UBE2B: variants seen among roughly 807,000 people sequenced by gnomAD.
UBE2B encodes the protein ubiquitin conjugating enzyme E2 B, also known as ubiquitin-conjugating enzyme E2 B.
In UBE2B, 11 loss-of-function variants were observed where a neutral mutation model predicts 24.6. That is an observed-to-expected ratio of 0.45 (90% CI 0.28 to 0.74). The LOEUF (loss-of-function observed/expected upper bound fraction) is 0.74, where lower values mean the gene tolerates loss of function less well. Ranked by LOEUF, UBE2B falls within the 30% of genes least tolerant of loss-of-function variation. The pLI is 0.13. For missense variants in UBE2B, 78 were observed against 185.6 expected, an observed-to-expected ratio of 0.42 and a Z score of 3.37; for synonymous variants, 68 against 62.4, an observed-to-expected ratio of 1.09 and a Z score of -0.42.
intron 3 of UBE2B, among the ~76,000 whole-genome samples, chr5:134,377,268 TGTA>T (rs1475803419): frequency 2.0e-5 from 3 of 152,218 alleles, no homozygotes; most frequent in African/African-American, 7.2e-5. Context: ...TTTTCCCAAT[TGTA>T]GTGTTGGATT....
intron 4 of UBE2B, among the ~76,000 whole-genome samples, chr5:134,386,994 C>G (rs1241118873): frequency 3.4e-5 from 5 of 146,884 alleles, no homozygotes; most frequent in South Asian, 2.1e-4. Context: ...GAGTCTCGCT[C>G]TGTCGCCCAG....
chr5:134,373,447 T>C (rs1561678271), intron 1 of UBE2B, among the ~76,000 whole-genome samples: 1 of 152,184 alleles, frequency 6.6e-6, no homozygotes, highest in East Asian at 1.9e-4. Flanking sequence ...TTTTTTGGTA[T>C]AAGAGGACAG....
At chr5:134,382,179 G>A (rs1043797042) in intron 4 of UBE2B, among the ~76,000 whole-genome samples, 4 of 151,794 alleles carry the variant, frequency 2.6e-5, no homozygotes, top group Non-Finnish European at 2.9e-5. Flanking sequence ...TTGGCCAGGC[G>A]TGGTGGTTCA....
Position 134,373,324 on chromosome 5 carries a change from T to TG in UBE2B, c.45-1059_45-1058insG, listed in dbSNP as rs1413795420. Among the ~76,000 whole-genome samples the TG allele has an allele frequency of 2.0e-5, 3 of 151,906 alleles. No individual in the cohort carries two copies. The East Asian group carries it at 5.8e-4, about 29-fold the overall frequency. Reference sequence around the variant, plus strand: ...CACTGAGGTTTGCTTTTTTTTTTTTTCTTGTAGCCATTTTGCAGAAGTAGC... The same window carrying TG: ...CACTGAGGTTTGCTTTTTTTTTTTTTGCTTGTAGCCATTTTGCAGAAGTAGC... On this transcript the variant is annotated intron_variant, in intron 1 of 5. Transcript: ENST00000265339.
intron 4 of UBE2B, 73 bp downstream of exon 4, chr5:134,380,881 C>T: frequency 1.9e-6 from 2 of 1,043,268 alleles, no homozygotes; most frequent in East Asian, 2.6e-5. Context: ...AGCTCTTTCA[C>T]CTTACTTTTT....
intron 2 of UBE2B, 95 bp downstream of exon 2, chr5:134,374,558 A>T (rs752731016): frequency 1.1e-5 from 15 of 1,323,930 alleles, no homozygotes; most frequent in Admixed American, 2.0e-5. Context: ...CTGAGGTGGA[A>T]TGAGAGATCT....
chr5:134,382,998 C>T (rs1348755189), intron 4 of UBE2B, among the ~76,000 whole-genome samples: 1 of 151,828 alleles, frequency 6.6e-6, no homozygotes, highest in Admixed American at 6.6e-5. Context: ...AACCTCATCT[C>T]TACCAAAAAT....
intron 5 of UBE2B, chr5:134,389,747 A>G (rs35772451): frequency 0.015 from 2,464 of 166,434 alleles, 64 homozygotes; most frequent in African/African-American, 0.055. Context: ...GGTTTTCTCC[A>G]TGTTGGTCAG....
At position 134,376,352 on chromosome 5, in the gene UBE2B, T is replaced by TATATATATATATATATATATATAC. The variant is rs1245225454; in HGVS notation, c.126-304_126-303insTATATATATACATATATATATATA. On this transcript the variant is annotated intron_variant, in intron 2 of 5. Transcript: ENST00000265339. ...AAAAAAAAAAAAAAAAAAAAAAATATATATATATATATACACATATGTACA... is the reference window on the plus strand; with the variant it reads ...AAAAAAAAAAAAAAAAAAAAAAATATATATATATATATATATATATATACATATATATATATACACATATGTACA... Among the ~76,000 whole-genome samples, 34 of 63,228 alleles carry TATATATATATATATATATATATAC rather than the reference T, an allele frequency of 5.4e-4. 1 individual carries two copies. The highest frequency in any genetic ancestry group is 2.1e-3 in the African/African-American group (34 of 16,206). 41.5% of individuals were successfully genotyped at this position (63,228 alleles called of 152,430 possible).
chr5:134,380,852 G>A, intron 4 of UBE2B, 44 bp downstream of exon 4: 4 of 1,290,250 alleles, frequency 3.1e-6, no homozygotes, highest in Admixed American at 1.9e-5. Context: ...GTGGGGAAAA[G>A]AGTTGTTTCC....
At chr5:134,389,143 G>T in intron 5 of UBE2B, 1 of 211,018 alleles carries the variant, frequency 4.7e-6, no homozygotes. Flanking sequence ...AGTAGAGATG[G>T]GGTTTCACAG....
At chr5:134,377,608 AT>A (rs1412212691) in intron 3 of UBE2B, among the ~76,000 whole-genome samples, 1 of 152,034 alleles carries the variant, frequency 6.6e-6, no homozygotes, top group Non-Finnish European at 1.5e-5. Flanking sequence ...ACCAGTGATT[AT>A]CTGTGGGGGG....
At chr5:134,375,395 A>G (rs1244217932) in intron 2 of UBE2B, among the ~76,000 whole-genome samples, 1 of 152,130 alleles carries the variant, frequency 6.6e-6, no homozygotes, top group Non-Finnish European at 1.5e-5. Flanking sequence ...TTAAAAAGTA[A>G]AAGGAGTATG....
At chr5:134,387,581 C>T (rs115758697) in intron 4 of UBE2B, among the ~76,000 whole-genome samples, 1 of 152,158 alleles carries the variant, frequency 6.6e-6, no homozygotes, top group African/African-American at 2.4e-5. Flanking sequence ...CTGGGCAGTC[C>T]AAGAGCATGG....
intron 3 of UBE2B, among the ~76,000 whole-genome samples, chr5:134,379,715 C>T (rs1222045020): frequency 2.0e-5 from 3 of 150,952 alleles, no homozygotes; most frequent in African/African-American, 7.3e-5. Flanking sequence ...TTGTGTGAGG[C>T]CAGATTTTCT....
rs77039493 is a variant in UBE2B, at chr5:134,372,929, A to G, written c.44+1290A>G. Among the ~76,000 whole-genome samples the G allele has an allele frequency of 1.2e-3, 190 of 152,336 alleles. 1 individual carries two copies. Among genetic ancestry groups the G allele is most frequent in the Middle Eastern group, 3.4e-3 (1 of 294 alleles). The stretch of plus-strand genomic sequence containing the variant: ...AAAAGTCATCTTTCTAAAGCTTGAA[A>G]TCAGCGTATTTGATTAGCACTCATG... On this transcript the variant is annotated intron_variant, in intron 1 of 5. Transcript: ENST00000265339.
chr5:134,388,016 TG>T (rs1758834077), intron 4 of UBE2B: 1 of 341,212 alleles, frequency 2.9e-6, no homozygotes, highest in Non-Finnish European at 5.6e-6. Context: ...TTGGCCCGAC[TG>T]GTCTCAGACT....
intron 3 of UBE2B, among the ~76,000 whole-genome samples, chr5:134,377,061 A>G (rs1581320634): frequency 6.6e-6 from 1 of 152,108 alleles, no homozygotes; most frequent in Admixed American, 6.6e-5. Flanking sequence ...TTGAGCTGAA[A>G]TTTTTCATAA....
At chr5:134,380,692 A>T in intron 3 of UBE2B, 27 bp from the exon 4 acceptor site, 3 of 1,321,270 alleles carry the variant, frequency 2.3e-6, no homozygotes, top group Non-Finnish European at 2.2e-6. Context: ...GCTTGTCTTT[A>T]CTATAATTAT....
Sources: allele counts gnomAD v4.1 joint callset (sites outside exome capture counted in the v4.1 genomes callset), GRCh38; gene constraint gnomAD v4.1.1; transcripts MANE v1.5; gene names NCBI Gene and HGNC (gene_info 2026-07-23, HGNC 2026-07-21).